ATP11A: variants seen among roughly 807,000 people sequenced by gnomAD.
ATP11A encodes the protein phospholipid-transporting ATPase IH.
A neutral mutation model predicts 154.4 loss-of-function variants in ATP11A; 81 were observed. That is an observed-to-expected ratio of 0.52 (90% CI 0.44 to 0.63). The LOEUF is 0.63. ATP11A is among the 30% of genes least tolerant of loss of function. The pLI is 0.00. For synonymous variants in ATP11A, 623 were observed against 585.9 expected, an observed-to-expected ratio of 1.06 and a Z score of -0.91; for missense variants, 1,316 against 1,474.3, an observed-to-expected ratio of 0.89 and a Z score of 1.76.
At chr13:112,868,836 G>A (rs150328860) in intron 25 of ATP11A, among the ~76,000 whole-genome samples, 108 of 152,250 alleles carry the variant, frequency 7.1e-4, no homozygotes, top group Non-Finnish European at 1.2e-3. Flanking sequence ...AGGAAGCATC[G>A]CTGGGGAGGC....
At position 112,696,660 on chromosome 13, in the gene ATP11A, G is replaced by C. The variant is rs918029886; in HGVS notation, c.39+6205G>C. 1.3e-5 allele frequency among the ~76,000 whole-genome samples: 2 copies of C among 152,014 alleles called. No homozygotes were observed. Among genetic ancestry groups the C allele is most frequent in the South Asian group, 2.1e-4 (1 of 4,818 alleles). ...TAGCTGGCCCGTCCTTCCTTCTCCT[G>C]TCTCTTCTGTGCCTACCGCGGGGGG... On this transcript the variant is annotated intron_variant, in intron 1 of 29. Coordinates refer to ENST00000375645, the MANE Select transcript of ATP11A (RefSeq NM_015205.3). This position sits in a 1 kb window ranked among gnomAD's most constrained non-coding sequence, Gnocchi z 6.2.
intron 2 of ATP11A, among the ~76,000 whole-genome samples, chr13:112,787,294 C>G (rs1380729219): frequency 1.6e-5 from 2 of 124,714 alleles, no homozygotes; most frequent in Non-Finnish European, 3.1e-5. Flanking sequence ...CTACTTAATT[C>G]ACACCGGGTG....
At chr13:112,758,536 G>A (rs2076895358) in intron 1 of ATP11A, among the ~76,000 whole-genome samples, 1 of 151,100 alleles carries the variant, frequency 6.6e-6, no homozygotes, top group Admixed American at 6.6e-5. Flanking sequence ...ACATTCTCCT[G>A]CCTCAGCCTC....
chr13:112,878,998 T>C (rs1460757711), intron 29 of ATP11A, among the ~76,000 whole-genome samples: 3 of 152,262 alleles, frequency 2.0e-5, no homozygotes, highest in Non-Finnish European at 4.4e-5. Flanking sequence ...ACCTTGGCCT[T>C]TCTGGGCAAT....
intron 25 of ATP11A, among the ~76,000 whole-genome samples, chr13:112,868,912 G>GGA (rs200620542): frequency 6.6e-6 from 1 of 152,020 alleles, no homozygotes; most frequent in Non-Finnish European, 1.5e-5. Context: ...CAAGGCTGCA[G>GGA]GAGAGAGAGA....
intron 12 of ATP11A, among the ~76,000 whole-genome samples, chr13:112,830,753 A>G (rs1298282485): frequency 6.6e-6 from 1 of 152,200 alleles, no homozygotes. Flanking sequence ...CGTGCGTTCC[A>G]GAACTCCTAC....
chr13:112,715,429 TC>T (rs1888326094), intron 1 of ATP11A, among the ~76,000 whole-genome samples: 1 of 1,122 alleles, frequency 8.9e-4, no homozygotes, highest in Non-Finnish European at 3.1e-3. Context: ...CTGGCCCACC[TC>T]CCCACACCTG....
chr13:112,874,670 T>G (rs1055137839), intron 27 of ATP11A, among the ~76,000 whole-genome samples: 7 of 152,134 alleles, frequency 4.6e-5, no homozygotes, highest in Admixed American at 2.0e-4. Flanking sequence ...TCCCTCCGGA[T>G]TCTCTCGTTC....
At chr13:112,825,955 G>A (rs528221115) in intron 11 of ATP11A, among the ~76,000 whole-genome samples, 92 of 152,308 alleles carry the variant, frequency 6.0e-4, no homozygotes, top group African/African-American at 2.2e-3. Flanking sequence ...AGGGCCATGT[G>A]CAAACCGAGA....
In ATP11A at chr13:112,883,192, G is replaced by A. The variant is rs1444303199; in HGVS notation, c.*1326G>A. The A allele has an allele frequency of 7.5e-6, 3 of 398,670 alleles. No individual in the cohort carries two copies. Among genetic ancestry groups the A allele is most frequent in the Non-Finnish European group, 1.3e-5 (3 of 226,240 alleles). The allele number at this position is 398,670 out of a possible 1,614,324, so 24.7% of individuals were successfully genotyped here. On this transcript the variant is annotated 3_prime_UTR_variant, in exon 30 of 30. Coordinates refer to ENST00000375645, the MANE Select transcript of ATP11A (RefSeq NM_015205.3). ...CCTCGTCCCCATGTCCCCACGCAGG[G>A]CTCTCCTTCGTCTTAGGATCTGTCC...
intron 1 of ATP11A, among the ~76,000 whole-genome samples, chr13:112,700,336 G>A (rs1460033879): frequency 1.3e-5 from 2 of 152,330 alleles, no homozygotes; most frequent in African/African-American, 2.4e-5. Context: ...GGGCACCTCC[G>A]GGAGGCAGCC....
In ATP11A at chr13:112,846,773, C is replaced by T. The variant is rs72660054; in HGVS notation, c.1810-4264C>T. ...CCTCCTGGAGATCTTAAATCTTGTT[C>T]TGGGGTGTGGCTGAGTTCCTGGGAA... On this transcript the variant is annotated intron_variant, in intron 17 of 29. Coordinates refer to ENST00000375645, the MANE Select transcript of ATP11A (RefSeq NM_015205.3). 7.7e-3 allele frequency among the ~76,000 whole-genome samples: 1,176 copies of T among 152,270 alleles called. 7 individuals carry two copies. Among genetic ancestry groups the T allele is most frequent in the Non-Finnish European group, 0.012 (783 of 68,016 alleles).
chr13:112,844,542 G>A (rs1451148969), intron 17 of ATP11A, among the ~76,000 whole-genome samples: 1 of 152,158 alleles, frequency 6.6e-6, no homozygotes, highest in African/African-American at 2.4e-5. Flanking sequence ...CGTCACTGCA[G>A]ATTCGTGCCC....
chr13:112,824,729 A>C (rs1252117810), intron 10 of ATP11A, among the ~76,000 whole-genome samples: 2 of 152,228 alleles, frequency 1.3e-5, no homozygotes, highest in African/African-American at 4.8e-5. Context: ...ATTTCATGAA[A>C]AACTCCAAAT....
rs560898365 is a variant in ATP11A at position 112,844,604 on chromosome 13, G to A, written c.1809+2225G>A. Among the ~76,000 whole-genome samples, 16 of 152,306 alleles carry A rather than the reference G, an allele frequency of 1.1e-4. 1 individual carries two copies. The East Asian group carries it at 2.1e-3, about 20-fold the overall frequency. ...ATCACAAAAGGCGGCTGTTGTATCC[G>A]GCGTCTTTCACTCCCATAACTGCTG... is the stretch of plus-strand genomic sequence containing the variant. On this transcript the variant is annotated intron_variant, in intron 17 of 29. Transcript: ENST00000375645.
intron 17 of ATP11A, among the ~76,000 whole-genome samples, chr13:112,844,899 G>A (rs909255212): frequency 2.0e-5 from 3 of 151,340 alleles, no homozygotes; most frequent in Non-Finnish European, 4.4e-5. Context: ...ACTGCTAGCG[G>A]TACTAGTCCA....
At position 112,699,888 on chromosome 13, in the gene ATP11A, A is replaced by G. The variant is rs79360504; in HGVS notation, c.39+9433A>G. On this transcript the variant is annotated intron_variant, in intron 1 of 29. Coordinates refer to ENST00000375645, the MANE Select transcript of ATP11A (RefSeq NM_015205.3). ...TCTTGTCCTGGGTGGTGAGGATCAA[A>G]TGAACCTTTATTAATGGACATGAAA... Among the ~76,000 whole-genome samples, 96 of 152,286 alleles carry G rather than the reference A, an allele frequency of 6.3e-4. No homozygotes were observed. The East Asian group carries it at 0.018, about 29-fold the overall frequency.
intron 2 of ATP11A, among the ~76,000 whole-genome samples, chr13:112,789,552 C>CT (rs201059837): frequency 0.048 from 7,145 of 150,318 alleles, 251 homozygotes; most frequent in Admixed American, 0.1. Context: ...GATGCGTAGA[C>CT]TCCTGTGGAT....
At chr13:112,798,751 G>A (rs1422063658) in intron 2 of ATP11A, among the ~76,000 whole-genome samples, 5 of 152,160 alleles carry the variant, frequency 3.3e-5, no homozygotes, top group Non-Finnish European at 7.4e-5. Context: ...AAGAGTATAA[G>A]TCACAAAAGA....
Sources: gnomAD v4.1 joint callset for allele counts (sites outside exome capture counted in the v4.1 genomes callset) on GRCh38, gnomAD v4.1.1 for gene constraint, Gnocchi (gnomAD v3.1) non-coding constraint, MANE v1.5 for transcripts, NCBI Gene and HGNC (gene_info 2026-07-23, HGNC 2026-07-21) for gene names.